RTL4: variants seen among roughly 807,000 people sequenced by gnomAD.
The protein encoded by RTL4 is retrotransposon Gag like 4.
RTL4 carries 4 observed loss-of-function variants against 5.3 expected under a neutral mutation model. That is an observed-to-expected ratio of 0.75 (90% CI 0.37 to 1.72). The LOEUF is 1.72. Ranked by LOEUF, RTL4 falls within the 40% of genes most tolerant of loss-of-function variation. The probability of loss-of-function intolerance (pLI) is 0.04; values close to 1 mark genes in which losing one functional copy is unlikely to be tolerated. For synonymous variants in RTL4, 98 were observed against 87.3 expected (o/e 1.12, Z -0.68); for missense variants, 260 against 227.1 (o/e 1.14, Z -0.93).
the RTL4 span, among the ~76,000 whole-genome samples, chrX:112,273,541 C>T: frequency 9.0e-6 from 1 of 111,642 alleles, no homozygotes; most frequent in Non-Finnish European, 1.9e-5. Context: ...CGTGAGCTAC[C>T]GCGCCCAACC....
the RTL4 span, among the ~76,000 whole-genome samples, chrX:112,308,159 A>G: frequency 3.6e-5 from 4 of 111,543 alleles, no homozygotes; most frequent in African/African-American, 1.3e-4. Flanking sequence ...CACTGCAACT[A>G]GAATGGGGTG....
chrX:112,285,965 T>C, the RTL4 span, among the ~76,000 whole-genome samples: 1 of 111,879 alleles, frequency 8.9e-6, no homozygotes, highest in Admixed American at 9.5e-5. Flanking sequence ...GGCATCTACA[T>C]TTTATTGGTG....
chrX:112,327,504 T>C, the RTL4 span, among the ~76,000 whole-genome samples: 1 of 109,705 alleles, frequency 9.1e-6, no homozygotes, highest in Non-Finnish European at 1.9e-5. Context: ...TATGGGACTA[T>C]GTGAAAAGAC....
the RTL4 span, among the ~76,000 whole-genome samples, chrX:112,283,686 T>TA: frequency 9.0e-6 from 1 of 111,478 alleles, no homozygotes. Context: ...CATTTCCAAA[T>TA]AGAGTAAATA....
At chrX:112,328,478 C>T in the RTL4 span, among the ~76,000 whole-genome samples, 1 of 111,474 alleles carries the variant, frequency 9.0e-6, no homozygotes, top group Non-Finnish European at 1.9e-5. Context: ...TATATATGCA[C>T]CCAATACAGG....
chrX:112,114,296 C>A, the RTL4 span, among the ~76,000 whole-genome samples: 1 of 111,715 alleles, frequency 9.0e-6, no homozygotes, highest in African/African-American at 3.3e-5. Flanking sequence ...GGGATCCATA[C>A]TGGGGACGGC....
the RTL4 span, among the ~76,000 whole-genome samples, chrX:112,328,658 C>T: frequency 2.7e-5 from 3 of 111,815 alleles, no homozygotes; most frequent in African/African-American, 9.8e-5. Flanking sequence ...CCAAGAGGAC[C>T]TAATAGACAT....
At chrX:112,321,556 A>AAAAAAAAAAGAAAGAAG in the RTL4 span, among the ~76,000 whole-genome samples, 815 of 107,955 alleles carry the variant, frequency 7.5e-3, 13 homozygotes, top group African/African-American at 0.027. Flanking sequence ...AAAAAGAAAG[A>AAAAAAAAAAGAAAGAAG]AAAAGAAAAG....
the RTL4 span, among the ~76,000 whole-genome samples, chrX:112,152,489 G>T: frequency 9.0e-6 from 1 of 111,482 alleles, no homozygotes; most frequent in Admixed American, 9.5e-5. Flanking sequence ...TAGTTGTAGT[G>T]CCTGGCCCAT....
chrX:112,402,400 TTGTGTG>T, the RTL4 span, among the ~76,000 whole-genome samples: 5,469 of 87,309 alleles, frequency 0.063, 193 homozygotes, highest in East Asian at 0.15. Context: ...GGAATTATTA[TTGTGTG>T]TGTGTGTGTG....
chrX:112,297,613 G>C, the RTL4 span, among the ~76,000 whole-genome samples: 5 of 111,367 alleles, frequency 4.5e-5, no homozygotes, highest in East Asian at 1.4e-3. Context: ...TCACAATTCA[G>C]CATGAGATTT....
chrX:112,233,519 T>TA, the RTL4 span, among the ~76,000 whole-genome samples: 1 of 111,210 alleles, frequency 9.0e-6, no homozygotes, highest in African/African-American at 3.3e-5. Context: ...AGCTATTTGT[T>TA]ACTGAAAAAA....
the RTL4 span, among the ~76,000 whole-genome samples, chrX:112,259,441 G>C: frequency 9.1e-6 from 1 of 109,892 alleles, no homozygotes; most frequent in Non-Finnish European, 1.9e-5. Context: ...GATAATAATC[G>C]TTGCTAGCTC....
chrX:112,351,829 A>T, the RTL4 span, among the ~76,000 whole-genome samples: 2 of 111,489 alleles, frequency 1.8e-5, no homozygotes, highest in Admixed American at 1.9e-4. Context: ...CCAATTTGCC[A>T]GTCTGTGTCT....
At chrX:112,244,984 A>T in the RTL4 span, among the ~76,000 whole-genome samples, 1 of 111,928 alleles carries the variant, frequency 8.9e-6, no homozygotes, top group African/African-American at 3.2e-5. Context: ...GAAATTCTGG[A>T]TTGAAAATTC....
the RTL4 span, among the ~76,000 whole-genome samples, chrX:112,262,454 C>T: frequency 1.8e-5 from 2 of 112,265 alleles, no homozygotes; most frequent in African/African-American, 6.5e-5. Flanking sequence ...TGCTCATCAT[C>T]ACTGGCCATC....
At chrX:112,348,803 C>T in the RTL4 span, among the ~76,000 whole-genome samples, 21 of 110,030 alleles carry the variant, frequency 1.9e-4, no homozygotes, top group South Asian at 2.7e-3. Flanking sequence ...GAAACAAAGT[C>T]AATGTCCTGA....
chrX:112,147,807 G>A, the RTL4 span, among the ~76,000 whole-genome samples: 1 of 111,237 alleles, frequency 9.0e-6, no homozygotes, highest in South Asian at 3.9e-4. Context: ...CAGGTGTGGT[G>A]GGGTGCACCT....
the RTL4 span, among the ~76,000 whole-genome samples, chrX:112,401,404 A>G: frequency 1.8e-5 from 2 of 111,687 alleles, no homozygotes; most frequent in South Asian, 3.7e-4. Flanking sequence ...GCTGCCTGAA[A>G]GGATTTTCAT....
Sources: allele counts gnomAD v4.1 joint callset (sites outside exome capture counted in the v4.1 genomes callset), GRCh38; gene constraint gnomAD v4.1.1; transcripts MANE v1.5; gene names NCBI Gene and HGNC (gene_info 2026-07-23, HGNC 2026-07-21).